Variants in NREP observed in about 807,000 individuals in gnomAD.
The protein encoded by NREP is neuronal regeneration-related protein.
In NREP, 5 loss-of-function variants were observed where a neutral mutation model predicts 8.6. The ratio of observed to expected loss-of-function variants is 0.58; its 90% CI spans 0.30 to 1.22. NREP has a LOEUF of 1.22. NREP is among the 50% of genes most tolerant of loss of function. The pLI is 0.07. For synonymous variants in NREP, 27 were observed against 28.0 expected (o/e 0.96, Z 0.11); for missense variants, 86 against 82.5 (o/e 1.04, Z -0.17).
chr5:111,862,907 G>C (rs1738138814), intron 2 of NREP, among the ~76,000 whole-genome samples: 1 of 150,594 alleles, frequency 6.6e-6, no homozygotes, highest in African/African-American at 2.4e-5. Context: ...GGTGACACAA[G>C]AGGAGGTTTG....
chr5:111,880,195 T>C (rs1305561556), intron 2 of NREP, among the ~76,000 whole-genome samples: 1 of 152,194 alleles, frequency 6.6e-6, no homozygotes, highest in Non-Finnish European at 1.5e-5. Flanking sequence ...TTTACTCATC[T>C]GTAAAATGGG....
intron 2 of NREP, among the ~76,000 whole-genome samples, chr5:111,942,662 T>C (rs1476738057): frequency 6.6e-6 from 1 of 151,894 alleles, no homozygotes; most frequent in African/African-American, 2.4e-5. Flanking sequence ...CAGCATCAGA[T>C]AATGATACTA....
At chr5:111,954,225 G>C (rs758613977) in intron 2 of NREP, among the ~76,000 whole-genome samples, 2 of 152,124 alleles carry the variant, frequency 1.3e-5, no homozygotes, top group Non-Finnish European at 2.9e-5. Flanking sequence ...TCAGGTGAAA[G>C]AGGGATTTTA....
At chr5:111,908,152 A>G (rs1165524520) in intron 2 of NREP, among the ~76,000 whole-genome samples, 1 of 137,676 alleles carries the variant, frequency 7.3e-6, no homozygotes, top group Non-Finnish European at 1.6e-5. Context: ...TTCATTGATT[A>G]TTAGTGTTAT....
At chr5:111,968,331 G>T (rs547810862) in intron 2 of NREP, among the ~76,000 whole-genome samples, 2 of 152,224 alleles carry the variant, frequency 1.3e-5, no homozygotes, top group East Asian at 3.9e-4. Flanking sequence ...AAAACCTATT[G>T]CATAAGAAAA....
At chr5:111,845,388 T>G (rs1228750134) in intron 2 of NREP, among the ~76,000 whole-genome samples, 2 of 152,132 alleles carry the variant, frequency 1.3e-5, no homozygotes, top group Non-Finnish European at 2.9e-5. Flanking sequence ...TTGATGTTTC[T>G]GTGAGGGGAT....
At chr5:111,860,559 G>GTC (rs548247189) in intron 2 of NREP, among the ~76,000 whole-genome samples, 159 of 151,480 alleles carry the variant, frequency 1.0e-3, no homozygotes, top group Non-Finnish European at 1.4e-3. Flanking sequence ...CCAGAGTCCA[G>GTC]TCTCTCTCTC....
chr5:111,734,799 C>G, intron 3 of NREP: 1 of 684,538 alleles, frequency 1.5e-6, no homozygotes, highest in Non-Finnish European at 2.7e-6. Context: ...TGAAGTCAAA[C>G]AAGTATTCAC....
At chr5:111,924,861 T>G (rs1434601654) in intron 2 of NREP, among the ~76,000 whole-genome samples, 3 of 152,110 alleles carry the variant, frequency 2.0e-5, no homozygotes, top group African/African-American at 7.2e-5. Flanking sequence ...TTTACACCAG[T>G]GGAAGTCAAA....
chr5:111,867,169 A>C (rs1051917364), intron 2 of NREP, among the ~76,000 whole-genome samples: 13 of 152,168 alleles, frequency 8.5e-5, no homozygotes, highest in Admixed American at 7.2e-4. Flanking sequence ...GTGATGGTTA[A>C]TATTCAGCTA....
intron 3 of NREP, chr5:111,734,754 G>C: frequency 1.4e-6 from 1 of 699,144 alleles, no homozygotes; most frequent in East Asian, 2.7e-5. Flanking sequence ...TGCAAAATCA[G>C]CAAGTCATTG....
At chr5:111,748,444 C>A (rs1462709143) in intron 2 of NREP, among the ~76,000 whole-genome samples, 1 of 152,108 alleles carries the variant, frequency 6.6e-6, no homozygotes, top group East Asian at 1.9e-4. Context: ...CCAGAAATAA[C>A]AGATTGTCAT....
chr5:111,935,451 G>A (rs1334855008), intron 2 of NREP, among the ~76,000 whole-genome samples: 6 of 151,996 alleles, frequency 3.9e-5, no homozygotes, highest in Admixed American at 3.9e-4. Flanking sequence ...ACCCCTGCAG[G>A]GAGGCATGCT....
upstream of NREP, chr5:111,757,302 G>A (rs1237869379): frequency 2.8e-6 from 2 of 702,800 alleles, no homozygotes; most frequent in Non-Finnish European, 3.5e-6. Flanking sequence ...GGAGGGGGAA[G>A]GGAAACAAAA....
intron 2 of NREP, among the ~76,000 whole-genome samples, chr5:111,867,677 TCA>T (rs931596618): frequency 2.0e-4 from 31 of 151,944 alleles, no homozygotes; most frequent in Non-Finnish European, 2.9e-5. Context: ...AGATTAAGAG[TCA>T]CATAGGAGTT....
chr5:111,850,259 T>C (rs1753276639), intron 2 of NREP, among the ~76,000 whole-genome samples: 1 of 152,184 alleles, frequency 6.6e-6, no homozygotes. Flanking sequence ...TGAATTCTCT[T>C]TGTCTTTTTC....
At chr5:111,735,546 C>T in intron 2 of NREP, 39 bp from the exon 3 acceptor site, 1 of 1,458,358 alleles carries the variant, frequency 6.9e-7, no homozygotes, top group Non-Finnish European at 9.6e-7. Context: ...AGATTAAAAA[C>T]AGGATCCACT....
At chr5:111,763,755 T>C (rs953446350) in intron 2 of NREP, among the ~76,000 whole-genome samples, 8 of 26,368 alleles carry the variant, frequency 3.0e-4, no homozygotes, top group African/African-American at 2.1e-3. Context: ...TACGTCTGTA[T>C]GTGTGTGTGT....
At chr5:111,879,968 G>C (rs1475504102) in intron 2 of NREP, among the ~76,000 whole-genome samples, 1 of 152,180 alleles carries the variant, frequency 6.6e-6, no homozygotes, top group East Asian at 1.9e-4. Flanking sequence ...CACCTTAAGG[G>C]CTGGGGCTTC....
Sources: gnomAD v4.1 joint callset for allele counts (sites outside exome capture counted in the v4.1 genomes callset) on GRCh38, gnomAD v4.1.1 for gene constraint, MANE v1.5 for transcripts, NCBI Gene and HGNC (gene_info 2026-07-23, HGNC 2026-07-21) for gene names.